Variants in C8orf88 observed in about 807,000 individuals in gnomAD.
C8orf88 encodes chromosome 8 open reading frame 88.
C8orf88 carries 14 observed loss-of-function variants against 18.4 expected under a neutral mutation model. That is an observed-to-expected ratio of 0.76 (90% CI 0.50 to 1.19). The LOEUF (loss-of-function observed/expected upper bound fraction) is 1.19, where lower values mean the gene tolerates loss of function less well. C8orf88 is among the 50% of genes most tolerant of loss of function. C8orf88 has a pLI of 0.00. For synonymous variants in C8orf88, 45 were observed against 42.9 expected (o/e 1.05, Z -0.19); for missense variants, 116 against 134.7 (o/e 0.86, Z 0.69).
chr8:90,980,506 C>A, intron 1 of C8orf88, 45 bp from the exon 2 acceptor site: 1 of 849,612 alleles, frequency 1.2e-6, no homozygotes, highest in South Asian at 1.7e-5. Context: ...ACAAAATAAT[C>A]AAGATGCTTT....
intron 4 of C8orf88, among the ~76,000 whole-genome samples, chr8:90,963,991 A>T (rs1276417402): frequency 6.6e-6 from 1 of 151,668 alleles, no homozygotes; most frequent in Non-Finnish European, 1.5e-5. Flanking sequence ...TAGAATGCAG[A>T]CAACCCCCAA....
Position 90,960,813 on chromosome 8 carries a change from G to T in C8orf88, c.259C>A (p.Leu87Ile). 1.3e-6 allele frequency: 2 copies of T among 1,530,486 alleles called. No homozygotes were observed. Among genetic ancestry groups the T allele is most frequent in the Non-Finnish European group, 8.8e-7 (1 of 1,142,800 alleles). 94.8% of individuals were successfully genotyped at this position (1,530,486 alleles called of 1,614,324 possible). Residue 87 changes from leucine (L) to isoleucine (I), a missense_variant, in exon 5 of 6, where the codon CTC becomes ATC. By Grantham distance (5) the Leu-to-Ile change is conservative. Coordinates refer to ENST00000517562, the MANE Select transcript of C8orf88 (RefSeq NM_001190972.2). ...TTTCTGCAGATGGAAACACTTGAGA[G>T]CTTCAACAGGAAATCTCTGCTGTAT... is the stretch of plus-strand genomic sequence containing the variant. The part of the protein sequence containing the change: ...IKYSRDFLLK[L>I]SSVSICRKKP...
intron 3 of C8orf88, among the ~76,000 whole-genome samples, chr8:90,971,790 C>A (rs1313028378): frequency 6.6e-6 from 1 of 151,890 alleles, no homozygotes; most frequent in Non-Finnish European, 1.5e-5. Context: ...TTACCTAAAT[C>A]TTTTTCTTCT....
chr8:90,978,681 T>A (rs1053757357), intron 2 of C8orf88, 29 bp from the exon 3 acceptor site: 1 of 1,258,242 alleles, frequency 7.9e-7, no homozygotes, highest in South Asian at 1.4e-5. Context: ...AACAATTTCA[T>A]AGATCTATTA....
intron 3 of C8orf88, among the ~76,000 whole-genome samples, chr8:90,973,916 A>T (rs1208726113): frequency 1.3e-5 from 2 of 152,210 alleles, no homozygotes; most frequent in Non-Finnish European, 2.9e-5. Context: ...GAAAAGTTAA[A>T]GTGTGAGATT....
At chr8:90,969,658 G>A (rs1811256371) in intron 4 of C8orf88, among the ~76,000 whole-genome samples, 1 of 151,892 alleles carries the variant, frequency 6.6e-6, no homozygotes, top group Non-Finnish European at 1.5e-5. Context: ...AGTAGTAACA[G>A]CTTAATGAGT....
At chr8:90,978,077 G>C (rs1408022888) in intron 3 of C8orf88, among the ~76,000 whole-genome samples, 5 of 152,040 alleles carry the variant, frequency 3.3e-5, no homozygotes. Context: ...TAGGAGACTG[G>C]GACAGAGACT....
intron 5 of C8orf88, among the ~76,000 whole-genome samples, 152 bp downstream of exon 5, chr8:90,960,590 A>G (rs1163112116): frequency 6.6e-6 from 1 of 151,428 alleles, no homozygotes; most frequent in African/African-American, 2.4e-5. Flanking sequence ...CTTTATAATA[A>G]TTGGTTATAT....
chr8:90,962,282 AC>A lies in C8orf88; in HGVS notation c.224-1435del, dbSNP rs1266757908. ...AACTCAAAGAATTCACCAACCCAAT[AC>A]CCTTTTTTCACGAAACTCCTGGAGA... On this transcript the variant is annotated intron_variant, in intron 4 of 5. Coordinates refer to ENST00000517562, the MANE Select transcript of C8orf88 (RefSeq NM_001190972.2). Among the ~76,000 whole-genome samples, 3 of 151,670 alleles carry A rather than the reference AC, an allele frequency of 2.0e-5. No homozygotes were observed. The East Asian group carries it at 5.8e-4, about 29-fold the overall frequency.
intron 4 of C8orf88, among the ~76,000 whole-genome samples, chr8:90,969,466 G>A (rs192898709): frequency 8.6e-5 from 13 of 151,716 alleles, no homozygotes; most frequent in South Asian, 4.1e-4. Context: ...AAAATATCAC[G>A]TGCCCTCAAT....
intron 3 of C8orf88, among the ~76,000 whole-genome samples, chr8:90,977,994 T>C (rs1202216728): frequency 1.3e-5 from 2 of 151,978 alleles, no homozygotes; most frequent in East Asian, 1.9e-4. Flanking sequence ...AAAGAAATAG[T>C]ATCTAGGTAA....
chr8:90,960,825 A>T lies in C8orf88; in HGVS notation c.247T>A (p.Phe83Ile), dbSNP rs573304442. 1 of 1,528,836 alleles carries T rather than the reference A, an allele frequency of 6.5e-7. No individual in the cohort carries two copies. The highest frequency in any genetic ancestry group is 2.5e-5 in the East Asian group (1 of 40,712). 94.7% of individuals were successfully genotyped at this position (1,528,836 alleles called of 1,614,324 possible). The change falls in exon 5 of 6, where the codon TTC becomes ATC. Residue 83 changes from phenylalanine (F) to isoleucine (I), a missense_variant. Physicochemically the swap from Phe to Ile is conservative, Grantham distance 21. Coordinates refer to ENST00000517562, the MANE Select transcript of C8orf88 (RefSeq NM_001190972.2). ...KKERIKYSRD[F>I]LLKLSSVSIC... ...GAAACACTTGAGAGCTTCAACAGGA[A>T]ATCTCTGCTGTATTTAATTCTCTCT...
chr8:90,958,885 A>C lies in C8orf88; in HGVS notation c.*122T>G, dbSNP rs1347286645. The stretch of plus-strand genomic sequence containing the variant: ...AATAGCTCTTTCTCATTTTTAGAGA[A>C]GTCAAATAGCCAACCATCAAAATTA... On this transcript the variant is annotated 3_prime_UTR_variant, in exon 6 of 6. Coordinates refer to ENST00000517562, the MANE Select transcript of C8orf88 (RefSeq NM_001190972.2). The C allele has an allele frequency of 5.0e-6, 3 of 600,704 alleles. No individual in the cohort carries two copies. The highest frequency in any genetic ancestry group is 5.6e-6 in the Non-Finnish European group (2 of 358,270). 37.2% of individuals were successfully genotyped at this position (600,704 alleles called of 1,614,324 possible).
At chr8:90,959,083 CTAAT>C in intron 5 of C8orf88, 53 bp from the exon 6 acceptor site, 2 of 856,926 alleles carry the variant, frequency 2.3e-6, no homozygotes, top group Non-Finnish European at 3.5e-6. Flanking sequence ...ACAGTTTTTA[CTAAT>C]TAGTTTATCA....
chr8:90,966,484 C>A (rs1811200272), intron 4 of C8orf88, among the ~76,000 whole-genome samples: 1 of 136,868 alleles, frequency 7.3e-6, no homozygotes. Context: ...GCACATGTAC[C>A]CTAAAACTTA....
chr8:90,976,577 C>T (rs974874115), intron 3 of C8orf88, among the ~76,000 whole-genome samples: 4 of 151,658 alleles, frequency 2.6e-5, no homozygotes, highest in African/African-American at 9.7e-5. Flanking sequence ...ATAATAAAGC[C>T]AGAGTAATTA....
At chr8:90,980,723 C>G (rs1335712407) in intron 1 of C8orf88, among the ~76,000 whole-genome samples, 1 of 152,118 alleles carries the variant, frequency 6.6e-6, no homozygotes, top group Non-Finnish European at 1.5e-5. Flanking sequence ...GGCAGAGTCT[C>G]ACTCTGTCAC....
chr8:90,983,539 T>C (rs1811462921), intron 1 of C8orf88, among the ~76,000 whole-genome samples: 1 of 152,158 alleles, frequency 6.6e-6, no homozygotes. Flanking sequence ...AAACCTAGAA[T>C]TGTCTAAAAT....
chr8:90,964,674 G>A (rs1249849367), intron 4 of C8orf88, among the ~76,000 whole-genome samples: 1 of 151,520 alleles, frequency 6.6e-6, no homozygotes, highest in African/African-American at 2.4e-5. Context: ...AAAGACAAGT[G>A]CATACAAATG....
Sources: gnomAD v4.1 joint callset for allele counts (sites outside exome capture counted in the v4.1 genomes callset) on GRCh38, gnomAD v4.1.1 for gene constraint, MANE v1.5 for transcripts, NCBI Gene and HGNC (gene_info 2026-07-23, HGNC 2026-07-21) for gene names.